Variants in LMNB2 observed in about 807,000 individuals in gnomAD.
LMNB2 encodes the protein lamin-B2.
A neutral mutation model predicts 69.3 loss-of-function variants in LMNB2; 17 were observed. The observed-to-expected ratio is 0.25, with a 90% CI of 0.17 to 0.37. The LOEUF is 0.37. Ranked by LOEUF, LMNB2 falls within the 10% of genes least tolerant of loss-of-function variation. The pLI, the probability that LMNB2 is intolerant of heterozygous loss-of-function variation, is 1.00. For synonymous variants in LMNB2, 397 were observed against 389.3 expected (o/e 1.02, Z -0.23); for missense variants, 789 against 883.6 (o/e 0.89, Z 1.36).
chr19:2,446,977 A>G (rs1027426718), intron 1 of LMNB2, among the ~76,000 whole-genome samples: 1 of 151,842 alleles, frequency 6.6e-6, no homozygotes. Context: ...CGTCTCTACT[A>G]AAAAAACATA....
rs1484801133 is a variant in LMNB2 at position 2,435,019 on chromosome 19, C to G, written c.837G>C (p.Glu279Asp). The G allele has an allele frequency of 6.3e-7, 1 of 1,597,646 alleles. No homozygotes were observed. The highest frequency in any genetic ancestry group is 1.1e-5 in the South Asian group (1 of 90,962). ...EQVRLYKLEL[E>D]QTYQAKLDSA... ...GCCACACCTTGGCCTGGTAGGTCTGCTCCAGCTCCAGCTTGTAGAGCCGCA... is the reference window on the plus strand; with the variant it reads ...GCCACACCTTGGCCTGGTAGGTCTGGTCCAGCTCCAGCTTGTAGAGCCGCA... Residue 279 changes from glutamate to aspartate, a missense_variant, in exon 5 of 12, where the codon GAG becomes GAC. Physicochemically the swap from Glu to Asp is conservative, Grantham distance 45. Transcript: ENST00000325327.
In LMNB2 at chr19:2,433,814, C is replaced by G. The variant is rs753579762; in HGVS notation, c.1482+12G>C. 5.6e-5 allele frequency: 90 copies of G among 1,613,146 alleles called. No homozygotes were observed. The highest frequency in any genetic ancestry group is 7.5e-5 in the Non-Finnish European group (88 of 1,179,846). ...CACCCCGTTACCCCCATGCCCCGGT[C>G]TTTCCGGTCACCTTGTCCGAGTTGT... On this transcript the variant is annotated intron_variant, in intron 8 of 11. Coordinates refer to ENST00000325327, the MANE Select transcript of LMNB2 (RefSeq NM_032737.4).
intron 7 of LMNB2, 56 bp from the exon 8 acceptor site, chr19:2,434,161 G>A: frequency 6.4e-7 from 1 of 1,556,586 alleles, no homozygotes; most frequent in Non-Finnish European, 8.7e-7. Context: ...ACAGCCCAGG[G>A]CACGCAGAGT....
At chr19:2,444,288 G>T in intron 2 of LMNB2, 116 bp downstream of exon 2, 1 of 1,242,412 alleles carries the variant, frequency 8.0e-7, no homozygotes, top group Non-Finnish European at 1.2e-6. Flanking sequence ...GGAGCTGTGA[G>T]CTCCAGGCTG....
At chr19:2,444,344 C>A in intron 2 of LMNB2, 60 bp downstream of exon 2, 1 of 1,603,772 alleles carries the variant, frequency 6.2e-7, no homozygotes, top group South Asian at 1.1e-5. Flanking sequence ...GCCCACCTGC[C>A]CCCGTCCACC....
At chr19:2,434,943 C>CGCGGG (rs755565821) in intron 5 of LMNB2, 30 bp from the exon 6 acceptor site, 3 of 1,585,998 alleles carry the variant, frequency 1.9e-6, no homozygotes, top group Non-Finnish European at 1.7e-6. Context: ...TGAGTGCGGG[C>CGCGGG]GCGGGGCGGG....
At chr19:2,444,735 AGG>A (rs1971934765) in intron 1 of LMNB2, among the ~76,000 whole-genome samples, 195 bp from the exon 2 acceptor site, 1 of 152,156 alleles carries the variant, frequency 6.6e-6, no homozygotes, top group Admixed American at 6.5e-5. Flanking sequence ...CCTGTCGGGG[AGG>A]GTCCGGTAAC....
chr19:2,434,225 CGTCCCGCCTCTCCTCCTGCCCT>C (rs953596442), intron 7 of LMNB2, 48 bp downstream of exon 7: 2 of 1,570,538 alleles, frequency 1.3e-6, no homozygotes, highest in African/African-American at 2.7e-5. Flanking sequence ...CCCGCAGCCC[CGTCCCGCCTCTCCTCCTGCCCT>C]GCCCCTCCTC....
chr19:2,449,874 G>A (rs1479492947), intron 1 of LMNB2, among the ~76,000 whole-genome samples: 2 of 151,812 alleles, frequency 1.3e-5, no homozygotes, highest in Admixed American at 6.6e-5. Context: ...TCAGGAGTTC[G>A]AGACCAGCCT....
intron 4 of LMNB2, among the ~76,000 whole-genome samples, chr19:2,435,532 G>A (rs1445785394): frequency 2.6e-5 from 4 of 152,192 alleles, no homozygotes; most frequent in Admixed American, 1.3e-4. Context: ...GAGGGGATGC[G>A]TGGGGGCCAG....
intron 2 of LMNB2, among the ~76,000 whole-genome samples, chr19:2,441,068 A>C (rs909772478): frequency 7.2e-5 from 11 of 152,258 alleles, no homozygotes; most frequent in Non-Finnish European, 1.3e-4. Context: ...CTGGGATCCC[A>C]GTGCCAGAGC....
At chr19:2,431,447 T>C in intron 11 of LMNB2, 101 bp downstream of exon 11, 2 of 1,488,602 alleles carry the variant, frequency 1.3e-6, no homozygotes, top group Admixed American at 3.4e-5. Flanking sequence ...CAGATGGAGC[T>C]CCCGTCGGGG....
Position 2,434,825 on chromosome 19 carries a change from T to C in LMNB2, c.944A>G (p.Glu315Gly). ...EELKEARMRL[E>G]SLSYQLSGLQ... ...GCCGGAGAGCTGGTAGCTGAGGGAC[T>C]CCAGGCGCATGCGGGCCTCCTTCAG... Residue 315 changes from glutamate to glycine, a missense_variant, in exon 6 of 12, where the codon GAG becomes GGG. Transcript: ENST00000325327. 6.2e-7 allele frequency: 1 copy of C among 1,608,958 alleles called. No individual in the cohort carries two copies.
In LMNB2 at chr19:2,429,175, G is replaced by A. The variant is rs1971700377; in HGVS notation, c.*1736C>T. 6.6e-6 allele frequency: 1 copy of A among 152,298 alleles called. No homozygotes were observed. Among genetic ancestry groups the A allele is most frequent in the South Asian group, 2.1e-4 (1 of 4,832 alleles). The allele number at this position is 152,298 out of a possible 1,614,324, so 9.4% of individuals were successfully genotyped here. ...ACAAGATCACCAAGACCCACCCCCA[G>A]AACCCTCGCTAGCACGAAGCCCAGC... On this transcript the variant is annotated 3_prime_UTR_variant, in exon 12 of 12. Coordinates refer to ENST00000325327, the MANE Select transcript of LMNB2 (RefSeq NM_032737.4).
rs1378654583 is a variant in LMNB2 at position 2,434,818 on chromosome 19, G to A, written c.951C>T (p.Leu317=). 1.9e-6 allele frequency: 3 copies of A among 1,608,912 alleles called. No homozygotes were observed. The highest frequency in any genetic ancestry group is 1.1e-5 in the South Asian group (1 of 90,720). The part of the protein sequence containing the change: ...LKEARMRLES[L]SYQLSGLQKQ... The stretch of plus-strand genomic sequence containing the variant: ...TCTGGAGGCCGGAGAGCTGGTAGCT[G>A]AGGGACTCCAGGCGCATGCGGGCCT... Residue 317 remains leucine, a synonymous_variant, in exon 6 of 12, where the codon CTC becomes CTT. Coordinates refer to ENST00000325327, the MANE Select transcript of LMNB2 (RefSeq NM_032737.4).
In LMNB2 at chr19:2,453,905, G is replaced by A. The variant is rs966901407; in HGVS notation, c.264+2765C>T. On this transcript the variant is annotated intron_variant, in intron 1 of 11. Coordinates refer to ENST00000325327, the MANE Select transcript of LMNB2 (RefSeq NM_032737.4). This position sits in a 1 kb window ranked among gnomAD's most constrained non-coding sequence, Gnocchi z 4.4. The stretch of plus-strand genomic sequence containing the variant: ...ACCCTGCACGCCACGGGTCCAGCAG[G>A]CGGCCTCTAAGTTGGGACAACTCCG... Among the ~76,000 whole-genome samples, 4 of 152,192 alleles carry A rather than the reference G, an allele frequency of 2.6e-5. No individual in the cohort carries two copies. Among genetic ancestry groups the A allele is most frequent in the African/African-American group, 4.8e-5 (2 of 41,432 alleles).
intron 2 of LMNB2, among the ~76,000 whole-genome samples, chr19:2,441,583 A>G (rs76634575): frequency 0.016 from 2,422 of 152,302 alleles, 65 homozygotes; most frequent in African/African-American, 0.054. Flanking sequence ...GGAAGGTGGA[A>G]TCTGTTGGGC....
Position 2,446,953 on chromosome 19 carries a change from A to G in LMNB2, c.265-2413T>C, listed in dbSNP as rs569499395. Reference sequence around the variant, plus strand: ...CAGGAGATCGAGACCATCCTGGCTAACACAGTGAAACCCCGTCTCTACTAA... The same window carrying G: ...CAGGAGATCGAGACCATCCTGGCTAGCACAGTGAAACCCCGTCTCTACTAA... On this transcript the variant is annotated intron_variant, in intron 1 of 11. Transcript: ENST00000325327. Among the ~76,000 whole-genome samples the G allele has an allele frequency of 5.3e-5, 8 of 152,236 alleles. No homozygotes were observed. The East Asian group carries it at 9.6e-4, about 18-fold the overall frequency.
At chr19:2,456,420 T>C (rs577209539) in intron 1 of LMNB2, among the ~76,000 whole-genome samples, 202 of 127,374 alleles carry the variant, frequency 1.6e-3, no homozygotes, top group African/African-American at 6.1e-3. Flanking sequence ...CGAAACCCCC[T>C]GGAGACCCTC....
Sources: allele counts gnomAD v4.1 joint callset (sites outside exome capture counted in the v4.1 genomes callset), GRCh38; gene constraint gnomAD v4.1.1; non-coding constraint Gnocchi (gnomAD v3.1); transcripts MANE v1.5; gene names NCBI Gene and HGNC (gene_info 2026-07-23, HGNC 2026-07-21).